Variants in TANC2 observed in about 807,000 individuals in gnomAD.
TANC2 encodes tetratricopeptide repeat, ankyrin repeat and coiled-coil containing 2, also known as protein TANC2.
Under a neutral mutation model 210.5 loss-of-function variants are expected in TANC2, and 26 were observed. The ratio of observed to expected loss-of-function variants is 0.12; its 90% CI spans 0.09 to 0.17. TANC2 has a LOEUF of 0.17. Among genes scored for constraint, TANC2 ranks in the 10% least tolerant of loss-of-function variants. TANC2 has a pLI of 1.00. For missense variants in TANC2, 2,129 were observed against 2,608.9 expected, an observed-to-expected ratio of 0.82 and a Z score of 4.01; for synonymous variants, 931 against 967.1, an observed-to-expected ratio of 0.96 and a Z score of 0.69.
At chr17:63,135,147 TC>T (rs1282326374) in intron 4 of TANC2, among the ~76,000 whole-genome samples, 21 of 151,994 alleles carry the variant, frequency 1.4e-4, no homozygotes, top group Non-Finnish European at 1.3e-4. Context: ...ACCCAAGAGG[TC>T]AAGACTGCAG....
intron 9 of TANC2, among the ~76,000 whole-genome samples, chr17:63,286,090 A>G (rs1254305496): frequency 6.6e-6 from 1 of 152,200 alleles, no homozygotes; most frequent in Admixed American, 6.5e-5. Flanking sequence ...TTTTACTTAT[A>G]TAAATGTTAT....
rs553890163 is a variant in TANC2, at chr17:63,080,313, C to T, written c.139+6299C>T. On this transcript the variant is annotated intron_variant, in intron 3 of 27. Coordinates refer to ENST00000689528, the Ensembl canonical transcript of TANC2. ...TTAAATGATTTTTTTCATTAGTGAT[C>T]ATATATATGTAAGCAACTTACTTGG... 5.9e-5 allele frequency among the ~76,000 whole-genome samples: 9 copies of T among 152,168 alleles called. No homozygotes were observed. The South Asian group carries it at 1.9e-3, about 32-fold the overall frequency.
intron 2 of TANC2, among the ~76,000 whole-genome samples, chr17:63,031,030 A>T (rs2034746964): frequency 6.6e-6 from 1 of 152,104 alleles, no homozygotes; most frequent in Admixed American, 6.6e-5. Flanking sequence ...GAAGATCTTA[A>T]ATGACATGGT....
intron 26 of TANC2, among the ~76,000 whole-genome samples, chr17:63,417,354 G>A (rs1261493703): frequency 6.6e-6 from 1 of 152,170 alleles, no homozygotes; most frequent in Non-Finnish European, 1.5e-5. Context: ...GAAGGGGAAA[G>A]CCTTCTCTTT....
intron 8 of TANC2, among the ~76,000 whole-genome samples, chr17:63,245,350 A>T (rs1482515318): frequency 6.6e-6 from 1 of 152,242 alleles, no homozygotes; most frequent in Non-Finnish European, 1.5e-5. Context: ...ATGTATAAAA[A>T]TAATTAAGCT....
chr17:63,195,609 G>A (rs1177283833), intron 6 of TANC2, among the ~76,000 whole-genome samples: 1 of 152,034 alleles, frequency 6.6e-6, no homozygotes, highest in Non-Finnish European at 1.5e-5. Flanking sequence ...CGTATCCTCT[G>A]CCCCTAGAAC....
intron 5 of TANC2, among the ~76,000 whole-genome samples, chr17:63,180,539 A>G (rs1052078520): frequency 6.6e-6 from 1 of 152,244 alleles, no homozygotes; most frequent in Non-Finnish European, 1.5e-5. Context: ...TTGTGTTATC[A>G]GGAAGCTGAG....
chr17:63,255,958 T>G, intron 8 of TANC2, among the ~76,000 whole-genome samples: 1 of 145,436 alleles, frequency 6.9e-6, no homozygotes, highest in Non-Finnish European at 1.5e-5. Flanking sequence ...CTGGCTGGAG[T>G]GCAGTGGTGT....
chr17:63,300,714 G>A (rs1237073065), intron 9 of TANC2, among the ~76,000 whole-genome samples: 5 of 152,128 alleles, frequency 3.3e-5, no homozygotes, highest in Admixed American at 2.6e-4. Flanking sequence ...ATAGAATCAC[G>A]TCTTCTGCAA....
chr17:63,125,018 A>G (rs1401111114), intron 4 of TANC2: 2 of 152,154 alleles, frequency 1.3e-5, no homozygotes, highest in East Asian at 3.8e-4. Flanking sequence ...TAAAAATGAA[A>G]TGTTTCTCTT....
intron 5 of TANC2, chr17:63,152,017 T>C (rs2039670166): frequency 6.6e-6 from 1 of 152,212 alleles, no homozygotes; most frequent in Admixed American, 6.5e-5. Context: ...TTATCAATGC[T>C]TAGATTCTTT....
At chr17:63,025,492 A>T (rs1168376981) in intron 2 of TANC2, among the ~76,000 whole-genome samples, 1 of 152,116 alleles carries the variant, frequency 6.6e-6, no homozygotes, top group Non-Finnish European at 1.5e-5. Context: ...TGCCAAATAC[A>T]GTCTTTAAAT....
At chr17:63,033,979 C>G (rs558594586) in intron 2 of TANC2, among the ~76,000 whole-genome samples, 1 of 152,306 alleles carries the variant, frequency 6.6e-6, no homozygotes, top group Non-Finnish European at 1.5e-5. Flanking sequence ...CATACATCAC[C>G]TTACAGGTTA....
At chr17:63,269,457 A>G (rs951019554) in intron 9 of TANC2, among the ~76,000 whole-genome samples, 5 of 152,310 alleles carry the variant, frequency 3.3e-5, no homozygotes, top group Middle Eastern at 3.4e-3. Context: ...GGACAGAACT[A>G]CTGATCTATA....
At chr17:63,304,194 CATT>C (rs1383647660) in intron 9 of TANC2, among the ~76,000 whole-genome samples, 1 of 152,044 alleles carries the variant, frequency 6.6e-6, no homozygotes, top group African/African-American at 2.4e-5. Context: ...CAGCATTTAT[CATT>C]GATTCTTTCT....
intron 2 of TANC2, among the ~76,000 whole-genome samples, chr17:63,017,774 G>A (rs1598261548): frequency 1.3e-5 from 2 of 152,108 alleles, no homozygotes; most frequent in Non-Finnish European, 2.9e-5. Context: ...CCTCAAATTG[G>A]TTAGAGATTA....
chr17:63,188,331 G>A lies in TANC2; in HGVS notation c.434-5660G>A, dbSNP rs543718366. The stretch of plus-strand genomic sequence containing the variant: ...AAAAAAAAAAATCTGGCTGGGTGCA[G>A]TGGCGTAGTCCCAGCACTTTGAGAG... On this transcript the variant is annotated intron_variant, in intron 5 of 27. Transcript: ENST00000689528. 4.6e-5 allele frequency among the ~76,000 whole-genome samples: 7 copies of A among 151,746 alleles called. No individual in the cohort carries two copies. In the South Asian group the frequency reaches 1.3e-3, roughly 27 times the overall value.
At chr17:63,008,362 A>G (rs2033718216) in intron 1 of TANC2, among the ~76,000 whole-genome samples, 1 of 152,078 alleles carries the variant, frequency 6.6e-6, no homozygotes, top group Non-Finnish European at 1.5e-5. Context: ...ACTCTTTTCT[A>G]TAATTTTTTG....
chr17:63,332,415 C>A, intron 11 of TANC2: 1 of 324,544 alleles, frequency 3.1e-6, no homozygotes, highest in East Asian at 9.2e-5. Context: ...TTCACAGTAC[C>A]CTGTTGGTAA....
Sources: gnomAD v4.1 joint callset for allele counts (sites outside exome capture counted in the v4.1 genomes callset) on GRCh38, gnomAD v4.1.1 for gene constraint, MANE v1.5 for transcripts, NCBI Gene and HGNC (gene_info 2026-07-23, HGNC 2026-07-21) for gene names.